Variants in MAPKAP1 observed in about 807,000 individuals in gnomAD.
The protein encoded by MAPKAP1 is MAPK associated protein 1.
In MAPKAP1, 20 loss-of-function variants were observed where a neutral mutation model predicts 65.7. The ratio of observed to expected loss-of-function variants is 0.30; its 90% CI spans 0.21 to 0.44. The LOEUF is 0.44. MAPKAP1 is among the 20% of genes least tolerant of loss of function. MAPKAP1 has a pLI of 1.00. For synonymous variants in MAPKAP1, 222 were observed against 244.3 expected (o/e 0.91, Z 0.85); for missense variants, 423 against 648.0 (o/e 0.65, Z 3.77).
intron 1 of MAPKAP1, among the ~76,000 whole-genome samples, chr9:125,698,214 T>C (rs1002096695): frequency 2.8e-5 from 4 of 144,754 alleles, no homozygotes; most frequent in Admixed American, 2.1e-4. Flanking sequence ...TATATATGTG[T>C]GTGTATATAT....
chr9:125,689,438 A>AGG (rs1835094281), intron 1 of MAPKAP1, among the ~76,000 whole-genome samples: 1 of 129,718 alleles, frequency 7.7e-6, no homozygotes, highest in Non-Finnish European at 1.7e-5. Context: ...CCATCTCGGA[A>AGG]AAAAAAAAAA....
intron 7 of MAPKAP1, 30 bp from the exon 8 acceptor site, chr9:125,506,447 AG>A (rs753295434): frequency 7.6e-6 from 12 of 1,576,000 alleles, no homozygotes; most frequent in Admixed American, 1.7e-5. Context: ...GGAGGAGGGG[AG>A]GAAGTCTGAA....
intron 1 of MAPKAP1, among the ~76,000 whole-genome samples, chr9:125,693,108 A>G (rs1187470513): frequency 6.6e-6 from 1 of 152,096 alleles, no homozygotes; most frequent in Non-Finnish European, 1.5e-5. Flanking sequence ...AGCCCCTTAT[A>G]ATATTTTTAT....
intron 4 of MAPKAP1, among the ~76,000 whole-genome samples, chr9:125,627,589 A>C (rs1833151507): frequency 6.6e-6 from 1 of 151,706 alleles, no homozygotes. Context: ...ACTTCACCTA[A>C]CTCTTTTTTA....
At chr9:125,653,999 C>A (rs1012294841) in intron 4 of MAPKAP1, among the ~76,000 whole-genome samples, 1 of 152,112 alleles carries the variant, frequency 6.6e-6, no homozygotes, top group Non-Finnish European at 1.5e-5. Flanking sequence ...TGATAATGTA[C>A]TAGCAAAAGA....
intron 10 of MAPKAP1, among the ~76,000 whole-genome samples, chr9:125,456,584 G>T (rs1231593657): frequency 1.3e-5 from 2 of 152,158 alleles, no homozygotes; most frequent in East Asian, 3.8e-4. Flanking sequence ...TGTCACTTCT[G>T]TGAATAAGTT....
intron 8 of MAPKAP1, among the ~76,000 whole-genome samples, chr9:125,489,288 C>T (rs1263201743): frequency 6.6e-6 from 1 of 152,076 alleles, no homozygotes; most frequent in African/African-American, 2.4e-5. Context: ...ACAAAAGCCA[C>T]ACTGTGTTCA....
At chr9:125,656,298 A>G (rs947162757) in intron 4 of MAPKAP1, among the ~76,000 whole-genome samples, 16 of 152,142 alleles carry the variant, frequency 1.1e-4, no homozygotes, top group Non-Finnish European at 1.6e-4. Context: ...CCCTGGGGGA[A>G]CTTCCTTCTC....
At chr9:125,693,808 C>T (rs1189694049) in intron 1 of MAPKAP1, among the ~76,000 whole-genome samples, 1 of 146,010 alleles carries the variant, frequency 6.8e-6, no homozygotes, top group African/African-American at 2.6e-5. Flanking sequence ...CATATATATA[C>T]ACACACATAT....
At chr9:125,592,720 C>A (rs111273528) in intron 4 of MAPKAP1, among the ~76,000 whole-genome samples, 4 of 148,526 alleles carry the variant, frequency 2.7e-5, no homozygotes, top group Non-Finnish European at 6.0e-5. Context: ...TTGGCTAACA[C>A]GGTGAAACCC....
intron 1 of MAPKAP1, among the ~76,000 whole-genome samples, chr9:125,675,687 C>T (rs1384094085): frequency 6.6e-6 from 1 of 152,174 alleles, no homozygotes; most frequent in African/African-American, 2.4e-5. Flanking sequence ...ATAAGTTCCA[C>T]AAGGACAGGG....
intron 7 of MAPKAP1, among the ~76,000 whole-genome samples, chr9:125,520,714 T>C (rs1027422178): frequency 1.3e-5 from 2 of 152,228 alleles, no homozygotes; most frequent in Non-Finnish European, 2.9e-5. Context: ...TATCTGGTGA[T>C]GAAACAAGCC....
intron 10 of MAPKAP1, among the ~76,000 whole-genome samples, chr9:125,459,654 A>C (rs1478158926): frequency 6.6e-6 from 1 of 152,230 alleles, no homozygotes; most frequent in African/African-American, 2.4e-5. Context: ...CTCCACGAAA[A>C]AAATACGAAA....
At chr9:125,505,554 C>T (rs181822506) in intron 8 of MAPKAP1, among the ~76,000 whole-genome samples, 9 of 152,288 alleles carry the variant, frequency 5.9e-5, no homozygotes, top group Admixed American at 3.3e-4. Flanking sequence ...CAGAATATAA[C>T]GAGGGACTCA....
intron 4 of MAPKAP1, among the ~76,000 whole-genome samples, chr9:125,652,973 G>A (rs1356708851): frequency 1.3e-5 from 2 of 152,142 alleles, no homozygotes; most frequent in Non-Finnish European, 2.9e-5. Flanking sequence ...TGAAGTACGT[G>A]GGAAAGACAT....
chr9:125,699,501 C>A (rs1397372691), intron 1 of MAPKAP1, among the ~76,000 whole-genome samples: 1 of 151,982 alleles, frequency 6.6e-6, no homozygotes, highest in African/African-American at 2.4e-5. Flanking sequence ...CCTCACCCAG[C>A]CAGTATTTTT....
chr9:125,589,269 C>A (rs545177933), intron 4 of MAPKAP1, among the ~76,000 whole-genome samples: 30 of 152,316 alleles, frequency 2.0e-4, no homozygotes, highest in African/African-American at 4.1e-4. Flanking sequence ...TCCTTCAGAG[C>A]GCTTAACAAT....
chr9:125,585,681 G>A lies in MAPKAP1; in HGVS notation c.545C>T (p.Pro182Leu). 2 of 1,614,260 alleles carry A rather than the reference G, an allele frequency of 1.2e-6. No homozygotes were observed. Among genetic ancestry groups the A allele is most frequent in the Non-Finnish European group, 1.7e-6 (2 of 1,180,050 alleles). Residue 182 changes from proline to leucine, a missense_variant, in exon 5 of 12, where the codon CCT (proline) becomes CTT (leucine). Physicochemically the swap from Pro to Leu is moderately conservative, Grantham distance 98 (BLOSUM62 -3). Coordinates refer to ENST00000265960, the MANE Select transcript of MAPKAP1 (RefSeq NM_001006617.3). ...TATKKIDVYL[P>L]LHSSQDRLLP... ...CAGTCTGTCCTGGCTCGAGTGCAGA[G>A]GGAGGTAGACATCGATCTTCTTGGT...
chr9:125,610,566 C>T (rs1832569157), intron 4 of MAPKAP1, among the ~76,000 whole-genome samples: 1 of 152,100 alleles, frequency 6.6e-6, no homozygotes, highest in Non-Finnish European at 1.5e-5. Flanking sequence ...CCGTGATACC[C>T]TCCTCACAAC....
Sources: allele counts gnomAD v4.1 joint callset (sites outside exome capture counted in the v4.1 genomes callset), GRCh38; gene constraint gnomAD v4.1.1; transcripts MANE v1.5; gene names NCBI Gene and HGNC (gene_info 2026-07-23, HGNC 2026-07-21).